DNAL1: variants seen among roughly 807,000 people sequenced by gnomAD.
DNAL1 encodes chromosome 14 open reading frame 168.
DNAL1 carries 17 observed loss-of-function variants against 29.4 expected under a neutral mutation model. The observed-to-expected ratio is 0.58, with a 90% CI of 0.40 to 0.87. The LOEUF (loss-of-function observed/expected upper bound fraction) is 0.87, where lower values mean the gene tolerates loss of function less well. Among genes scored for constraint, DNAL1 ranks in the 40% least tolerant of loss-of-function variants. The pLI is 0.00. For missense variants in DNAL1, 188 were observed against 214.1 expected (o/e 0.88, Z 0.76); for synonymous variants, 78 against 76.3 (o/e 1.02, Z -0.12).
At chr14:73,689,143 C>T (rs1892100785) in intron 6 of DNAL1, among the ~76,000 whole-genome samples, 1 of 148,478 alleles carries the variant, frequency 6.7e-6, no homozygotes, top group Non-Finnish European at 1.5e-5. Flanking sequence ...AAGCAGTTCT[C>T]CTGCCTCAGC....
At position 73,654,275 on chromosome 14, in the gene DNAL1, G is replaced by A. The variant is rs536996314; in HGVS notation, c.4-572G>A. 5.9e-5 allele frequency among the ~76,000 whole-genome samples: 9 copies of A among 152,254 alleles called. No homozygotes were observed. In the South Asian group the frequency reaches 1.9e-3, roughly 32 times the overall value. On this transcript the variant is annotated intron_variant, in intron 1 of 7. Transcript: ENST00000553645. ...GCTACATATTTTTTGTAAACCAAGTGGGAGGGAAGTGTATGGGTGTTACAT... is the reference window on the plus strand; with the variant it reads ...GCTACATATTTTTTGTAAACCAAGTAGGAGGGAAGTGTATGGGTGTTACAT...
intron 5 of DNAL1, among the ~76,000 whole-genome samples, chr14:73,671,920 T>G (rs1418680392): frequency 6.6e-6 from 1 of 152,214 alleles, no homozygotes; most frequent in Non-Finnish European, 1.5e-5. Context: ...CTAGGCAATT[T>G]CAGGAAAGAT....
intron 1 of DNAL1, among the ~76,000 whole-genome samples, chr14:73,646,970 G>GT (rs1890989892): frequency 6.6e-6 from 1 of 152,100 alleles, no homozygotes; most frequent in Admixed American, 6.6e-5. Flanking sequence ...ATCTTTCAGT[G>GT]TCTTTTTTTC....
intron 1 of DNAL1, 23 bp from the exon 2 acceptor site, chr14:73,654,823 TC>T (rs1329113840): frequency 6.6e-7 from 1 of 1,509,032 alleles, no homozygotes; most frequent in African/African-American, 1.4e-5. Context: ...TTTTTTCTTT[TC>T]TTTCTTTTTT....
At chr14:73,652,132 C>T (rs959210731) in intron 1 of DNAL1, among the ~76,000 whole-genome samples, 4 of 152,090 alleles carry the variant, frequency 2.6e-5, no homozygotes, top group African/African-American at 9.7e-5. Context: ...ACCTCCCGGG[C>T]TCTAGTGGTC....
intron 1 of DNAL1, among the ~76,000 whole-genome samples, chr14:73,652,495 C>T (rs1313855572): frequency 8.6e-5 from 13 of 151,998 alleles, no homozygotes; most frequent in Admixed American, 3.3e-4. Context: ...AGGCTGGTCT[C>T]GAACTCCTGG....
At chr14:73,686,352 T>C (rs866884008) in intron 5 of DNAL1, among the ~76,000 whole-genome samples, 11 of 152,218 alleles carry the variant, frequency 7.2e-5, no homozygotes, top group Admixed American at 3.3e-4. Context: ...TCATTGATAT[T>C]CACTAGACTG....
chr14:73,655,590 G>A (rs4903132), intron 2 of DNAL1, among the ~76,000 whole-genome samples: 60,412 of 151,586 alleles, frequency 0.4, 12,941 homozygotes, highest in East Asian at 0.73. Context: ...CATGTGATCT[G>A]CCTGCCTCAG....
intron 3 of DNAL1, among the ~76,000 whole-genome samples, chr14:73,660,967 T>G (rs1891327553): frequency 6.6e-6 from 1 of 152,150 alleles, no homozygotes; most frequent in Admixed American, 6.6e-5. Flanking sequence ...CATTATTCAC[T>G]GGGAGTTCTC....
chr14:73,673,664 G>A (rs1175595010), intron 5 of DNAL1, among the ~76,000 whole-genome samples: 1 of 152,106 alleles, frequency 6.6e-6, no homozygotes, highest in Non-Finnish European at 1.5e-5. Context: ...AGAAGGCCAA[G>A]GTGGGAGGAT....
At chr14:73,665,395 T>C (rs1891453451) in intron 4 of DNAL1, among the ~76,000 whole-genome samples, 1 of 152,218 alleles carries the variant, frequency 6.6e-6, no homozygotes, top group Admixed American at 6.5e-5. Context: ...GTAATTGAAG[T>C]AACTTGCTTA....
At chr14:73,667,804 A>G (rs1891523762) in intron 4 of DNAL1, among the ~76,000 whole-genome samples, 1 of 152,164 alleles carries the variant, frequency 6.6e-6, no homozygotes, top group South Asian at 2.1e-4. Flanking sequence ...CTGCTGAGCC[A>G]TATTTATCTC....
chr14:73,654,842 TAA>T lies in DNAL1; in HGVS notation c.4-3_4-2del. 6.7e-7 allele frequency: 1 copy of T among 1,488,948 alleles called. No homozygotes were observed. The highest frequency in any genetic ancestry group is 8.9e-7 in the Non-Finnish European group (1 of 1,122,620). The allele number at this position is 1,488,948 out of a possible 1,614,324, so 92.2% of individuals were successfully genotyped here. A position where few individuals can be genotyped will look rare whatever the true frequency, so the allele number is the denominator to read the frequency against. ...TTCTTTTCTTTCTTTTTTTTTTTTT[TAA>T]AGGCGAAAGCAACAACAATCAAAGA... On this transcript the variant is annotated splice_polypyrimidine_tract_variant and splice_region_variant and intron_variant, in intron 1 of 7. Coordinates refer to ENST00000553645, the MANE Select transcript of DNAL1 (RefSeq NM_031427.4).
At chr14:73,678,144 C>T (rs114352069) in intron 5 of DNAL1, among the ~76,000 whole-genome samples, 4,868 of 151,948 alleles carry the variant, frequency 0.032, 274 homozygotes, top group African/African-American at 0.11. Flanking sequence ...GCAATCTGCC[C>T]ATGTCGGCCT....
intron 5 of DNAL1, among the ~76,000 whole-genome samples, chr14:73,672,379 G>A (rs1376707328): frequency 6.6e-6 from 1 of 152,070 alleles, no homozygotes; most frequent in Non-Finnish European, 1.5e-5. Context: ...GCCGAGGCAG[G>A]CAGATCACGA....
rs1418668541 is a variant in DNAL1 at position 73,654,881 on chromosome 14, G to A, written c.38G>A (p.Arg13Lys). 1 of 1,541,768 alleles carries A rather than the reference G, an allele frequency of 6.5e-7. No individual in the cohort carries two copies. The highest frequency in any genetic ancestry group is 2.4e-5 in the East Asian group (1 of 40,836). The part of the protein sequence containing the change: ...KATTIKEALA[R>K]WEEKTGQRPS... ...ACAACAATCAAAGAAGCCTTAGCGAGATGGGTGAGTACATGAGTTTTTCCT... is the reference window on the plus strand; with the variant it reads ...ACAACAATCAAAGAAGCCTTAGCGAAATGGGTGAGTACATGAGTTTTTCCT... The change falls in exon 2 of 8, where the codon AGA (arginine) becomes AAA (lysine). Residue 13 changes from arginine (R) to lysine (K), a missense_variant. Physicochemically the swap from Arg to Lys is conservative, Grantham distance 26 (BLOSUM62 2). Coordinates refer to ENST00000553645, the MANE Select transcript of DNAL1 (RefSeq NM_031427.4).
chr14:73,651,554 A>G (rs972887094), intron 1 of DNAL1, among the ~76,000 whole-genome samples: 1 of 152,152 alleles, frequency 6.6e-6, no homozygotes, highest in African/African-American at 2.4e-5. Flanking sequence ...GGTCTATTCA[A>G]ATTTTCTTGA....
rs909672461 is a variant in DNAL1, at chr14:73,683,710, T to G, written c.265-3549T>G. On this transcript the variant is annotated intron_variant, in intron 5 of 7. Coordinates refer to ENST00000553645, the MANE Select transcript of DNAL1 (RefSeq NM_031427.4). The stretch of plus-strand genomic sequence containing the variant: ...TTTATTTATTTATTTATTATTATTA[T>G]TATTATTCTTTTGAGAATAACAAGT... Among the ~76,000 whole-genome samples the G allele has an allele frequency of 7.9e-5, 12 of 151,438 alleles. No individual in the cohort carries two copies. The South Asian group carries it at 2.5e-3, about 32-fold the overall frequency.
chr14:73,655,938 C>G (rs765152957), intron 2 of DNAL1, among the ~76,000 whole-genome samples: 14 of 152,160 alleles, frequency 9.2e-5, no homozygotes, highest in Non-Finnish European at 2.1e-4. Flanking sequence ...AGTTACAATT[C>G]AGCATTATAG....
Sources: allele counts gnomAD v4.1 joint callset (sites outside exome capture counted in the v4.1 genomes callset), GRCh38; gene constraint gnomAD v4.1.1; transcripts MANE v1.5; gene names NCBI Gene and HGNC (gene_info 2026-07-23, HGNC 2026-07-21).